The following AP3B1 variants were observed in gnomAD, a reference collection of about 807,000 sequenced individuals.
The protein encoded by AP3B1 is adaptor related protein complex 3 subunit beta 1, also known as AP-3 complex subunit beta-1.
In AP3B1, 61 loss-of-function variants were observed where a neutral mutation model predicts 132.5. The observed-to-expected ratio is 0.46, with a 90% CI of 0.37 to 0.57. AP3B1 has a LOEUF of 0.57. Among genes scored for constraint, AP3B1 ranks in the 20% least tolerant of loss-of-function variants. AP3B1 has a pLI of 0.00. For synonymous variants in AP3B1, 388 were observed against 438.3 expected, an observed-to-expected ratio of 0.89 and a Z score of 1.43; for missense variants, 1,120 against 1,289.4, an observed-to-expected ratio of 0.87 and a Z score of 2.01.
intron 2 of AP3B1, among the ~76,000 whole-genome samples, chr5:78,254,786 G>T (rs1337493872): frequency 6.6e-6 from 1 of 152,102 alleles, no homozygotes; most frequent in Non-Finnish European, 1.5e-5. Flanking sequence ...TAAGTACACA[G>T]AAAAACATAG....
intron 2 of AP3B1, among the ~76,000 whole-genome samples, chr5:78,257,798 C>T (rs1315285986): frequency 6.6e-6 from 1 of 152,080 alleles, no homozygotes; most frequent in African/African-American, 2.4e-5. Context: ...AACCAAACAG[C>T]ATGTACTGGC....
chr5:78,030,067 G>A (rs761750884), intron 24 of AP3B1, among the ~76,000 whole-genome samples: 46 of 151,768 alleles, frequency 3.0e-4, no homozygotes, highest in Non-Finnish European at 5.6e-4. Context: ...ATTTTTATAC[G>A]TTGATAAATT....
At chr5:78,035,352 C>T (rs1341868199) in intron 23 of AP3B1, among the ~76,000 whole-genome samples, 1 of 151,704 alleles carries the variant, frequency 6.6e-6, no homozygotes, top group African/African-American at 2.4e-5. Context: ...GCAGCTATAC[C>T]ATACAATCAC....
intron 7 of AP3B1, among the ~76,000 whole-genome samples, chr5:78,183,226 A>T (rs937915852): frequency 5.9e-5 from 9 of 152,204 alleles, no homozygotes; most frequent in Non-Finnish European, 1.0e-4. Context: ...TAAGCAGGGA[A>T]TCCGGACTCC....
chr5:78,177,490 A>C, intron 8 of AP3B1, 54 bp from the exon 9 acceptor site: 1 of 1,271,974 alleles, frequency 7.9e-7, no homozygotes, highest in East Asian at 2.3e-5. Context: ...GCACTCTACA[A>C]CCTCAAAATC....
intron 2 of AP3B1, among the ~76,000 whole-genome samples, chr5:78,263,463 CTTTTCCATTTGGATGTCTTTTATTTCT>C (rs920274711): frequency 6.6e-6 from 1 of 152,148 alleles, no homozygotes; most frequent in African/African-American, 2.4e-5. Context: ...TTACTTCTTC[CTTTTCCATTTGGATGTCTTTTATTTCT>C]TTTTCTTGCA....
intron 22 of AP3B1, among the ~76,000 whole-genome samples, chr5:78,078,949 T>C (rs182482244): frequency 9.3e-4 from 142 of 152,362 alleles, no homozygotes; most frequent in African/African-American, 3.4e-3. Context: ...GGAACATGTG[T>C]TGTTACCTGC....
intron 17 of AP3B1, 86 bp downstream of exon 17, chr5:78,127,944 C>G: frequency 1.3e-6 from 2 of 1,512,220 alleles, no homozygotes; most frequent in Non-Finnish European, 1.8e-6. Flanking sequence ...ATTTTCAACT[C>G]TCCAAAAAAG....
intron 7 of AP3B1, among the ~76,000 whole-genome samples, chr5:78,207,526 T>G (rs972674328): frequency 6.6e-6 from 1 of 151,838 alleles, no homozygotes; most frequent in African/African-American, 2.4e-5. Context: ...ATTCCTCAAG[T>G]ATATAACTTA....
At chr5:78,112,948 T>A (rs1751660195) in intron 19 of AP3B1, among the ~76,000 whole-genome samples, 1 of 152,240 alleles carries the variant, frequency 6.6e-6, no homozygotes, top group Non-Finnish European at 1.5e-5. Flanking sequence ...TTAAAATCAT[T>A]AAATCCTGAC....
chr5:78,193,763 TATATATA>T (rs1561469577), intron 7 of AP3B1, among the ~76,000 whole-genome samples: 1 of 125,572 alleles, frequency 8.0e-6, no homozygotes, highest in Non-Finnish European at 1.7e-5. Context: ...TATATATATA[TATATATA>T]TTTTTTTTTT....
chr5:78,268,499 C>T (rs1196489329), intron 1 of AP3B1, among the ~76,000 whole-genome samples: 1 of 152,136 alleles, frequency 6.6e-6, no homozygotes, highest in Non-Finnish European at 1.5e-5. Flanking sequence ...CTGCTTGTTC[C>T]CCTTTTCTGT....
Position 78,193,770 on chromosome 5 carries a change from A to ATATATATATTTTTTT in AP3B1, c.787-12109_787-12108insAAAAAAATATATATA. 2.0e-3 allele frequency among the ~76,000 whole-genome samples: 132 copies of ATATATATATTTTTTT among 67,140 alleles called. 1 individual carries two copies. Among genetic ancestry groups the ATATATATATTTTTTT allele is most frequent in the Admixed American group, 3.3e-3 (19 of 5,686 alleles). 44.0% of individuals were successfully genotyped at this position (67,140 alleles called of 152,430 possible). On this transcript the variant is annotated intron_variant, in intron 7 of 26. Transcript: ENST00000255194. ...TATATATATATATATATATATATAT[A>ATATATATATTTTTTT]TTTTTTTTTTAGACAGAGTCTCGCT...
intron 7 of AP3B1, among the ~76,000 whole-genome samples, chr5:78,208,759 G>A (rs1047729831): frequency 2.0e-5 from 3 of 152,022 alleles, no homozygotes; most frequent in Admixed American, 6.6e-5. Context: ...ATATTCCAAT[G>A]GAGAACTTGG....
chr5:78,028,985 C>T (rs1372287932), intron 24 of AP3B1, among the ~76,000 whole-genome samples: 3 of 151,806 alleles, frequency 2.0e-5, no homozygotes, highest in Non-Finnish European at 2.9e-5. Flanking sequence ...TCATATTATC[C>T]CATAGTTTTC....
chr5:78,089,620 A>G (rs757515659), intron 21 of AP3B1, 121 bp from the exon 22 acceptor site: 88 of 728,782 alleles, frequency 1.2e-4, no homozygotes, highest in Non-Finnish European at 1.8e-4. Context: ...ATGTATGACA[A>G]TTCTATTTAA....
chr5:78,096,729 A>G (rs190582319), intron 21 of AP3B1, among the ~76,000 whole-genome samples: 35,847 of 146,916 alleles, frequency 0.24, 4,462 homozygotes, highest in Admixed American at 0.32. Context: ...GAGACCCTCC[A>G]CCCGGCAACT....
chr5:78,197,938 C>T (rs1745138770), intron 7 of AP3B1, among the ~76,000 whole-genome samples: 1 of 152,176 alleles, frequency 6.6e-6, no homozygotes, highest in Non-Finnish European at 1.5e-5. Flanking sequence ...AGAACCACCC[C>T]ATGTGGTAAA....
intron 7 of AP3B1, among the ~76,000 whole-genome samples, chr5:78,210,797 TA>T (rs1367455943): frequency 6.6e-6 from 1 of 152,164 alleles, no homozygotes; most frequent in Non-Finnish European, 1.5e-5. Context: ...GTTTTTATTT[TA>T]AATCACTCTT....
Sources: allele counts gnomAD v4.1 joint callset (sites outside exome capture counted in the v4.1 genomes callset), GRCh38; gene constraint gnomAD v4.1.1; transcripts MANE v1.5; gene names NCBI Gene and HGNC (gene_info 2026-07-23, HGNC 2026-07-21).